OSBPL8: variants seen among roughly 807,000 people sequenced by gnomAD.
OSBPL8 encodes the protein oxysterol binding protein like 8, also known as oxysterol-binding protein-related protein 8.
In OSBPL8, 59 loss-of-function variants were observed where a neutral mutation model predicts 125.5. That is an observed-to-expected ratio of 0.47 (90% CI 0.38 to 0.58). The LOEUF is 0.58. Ranked by LOEUF, OSBPL8 falls within the 20% of genes least tolerant of loss-of-function variation. OSBPL8 has a pLI of 0.00. For synonymous variants in OSBPL8, 330 were observed against 338.9 expected, an observed-to-expected ratio of 0.97 and a Z score of 0.29; for missense variants, 758 against 1,047.8, an observed-to-expected ratio of 0.72 and a Z score of 3.82.
At chr12:76,449,401 C>A (rs368073721) in intron 4 of OSBPL8, among the ~76,000 whole-genome samples, 1 of 152,096 alleles carries the variant, frequency 6.6e-6, no homozygotes, top group African/African-American at 2.4e-5. Flanking sequence ...ACCCAAAGAC[C>A]CTTCTAGAGG....
At chr12:76,532,324 C>T (rs1950365088) in intron 1 of OSBPL8, among the ~76,000 whole-genome samples, 1 of 151,912 alleles carries the variant, frequency 6.6e-6, no homozygotes, top group South Asian at 2.1e-4. Flanking sequence ...CTATTTTAAG[C>T]AAAACTATTT....
chr12:76,527,735 C>A (rs978830348), intron 1 of OSBPL8, among the ~76,000 whole-genome samples: 2 of 152,100 alleles, frequency 1.3e-5, no homozygotes, highest in Non-Finnish European at 2.9e-5. Context: ...CATTGAGTTG[C>A]AATACAGAAG....
In OSBPL8 at chr12:76,506,339, T is replaced by C. The variant is rs149746388; in HGVS notation, c.-67-18721A>G. Among the ~76,000 whole-genome samples, 7 of 152,278 alleles carry C rather than the reference T, an allele frequency of 4.6e-5. No homozygotes were observed. The East Asian group carries it at 1.4e-3, about 29-fold the overall frequency. On this transcript the variant is annotated intron_variant, in intron 1 of 23. Coordinates refer to ENST00000261183, the MANE Select transcript of OSBPL8 (RefSeq NM_020841.5). ...TCAAGGAGGCAGCTGAACATGCAGA[T>C]GTGAGGCTGACGGGGAAGAGGTCAG...
chr12:76,516,144 C>T (rs1881510822), intron 1 of OSBPL8, among the ~76,000 whole-genome samples: 1 of 152,174 alleles, frequency 6.6e-6, no homozygotes, highest in Admixed American at 6.5e-5. Flanking sequence ...CCCCAAAATA[C>T]ACTGCTATGG....
chr12:76,380,528 C>CAAAAAAA (rs3038514), intron 15 of OSBPL8, among the ~76,000 whole-genome samples: 1 of 89,248 alleles, frequency 1.1e-5, no homozygotes, highest in East Asian at 4.2e-4. Context: ...GACACTGTCC[C>CAAAAAAA]AAAAAAAAAA....
chr12:76,447,065 T>A (rs1358774293), intron 4 of OSBPL8, among the ~76,000 whole-genome samples: 1 of 152,206 alleles, frequency 6.6e-6, no homozygotes, highest in Non-Finnish European at 1.5e-5. Flanking sequence ...TTAACACATA[T>A]AACAAGAATG....
At chr12:76,483,025 G>T (rs186514182) in intron 2 of OSBPL8, among the ~76,000 whole-genome samples, 12 of 152,280 alleles carry the variant, frequency 7.9e-5, no homozygotes, top group Non-Finnish European at 1.8e-4. Flanking sequence ...ACTTTAGGAG[G>T]CCGAGGCAGG....
intron 1 of OSBPL8, among the ~76,000 whole-genome samples, chr12:76,502,003 C>T (rs578186212): frequency 1.3e-5 from 2 of 152,358 alleles, no homozygotes; most frequent in Admixed American, 6.5e-5. Flanking sequence ...TGTAGTACAG[C>T]AATGAATCCA....
chr12:76,452,172 T>C (rs1400439485), intron 3 of OSBPL8, among the ~76,000 whole-genome samples: 1 of 152,158 alleles, frequency 6.6e-6, no homozygotes, highest in Non-Finnish European at 1.5e-5. Flanking sequence ...AATACAGACA[T>C]TCAGAATTTC....
At chr12:76,515,739 A>C (rs777186445) in intron 1 of OSBPL8, among the ~76,000 whole-genome samples, 46 of 151,710 alleles carry the variant, frequency 3.0e-4, no homozygotes, top group Non-Finnish European at 6.0e-4. Flanking sequence ...GTGGGCCTTC[A>C]TCCTGTCTTG....
chr12:76,373,587 G>T, intron 17 of OSBPL8, 154 bp from the exon 18 acceptor site: 4 of 473,672 alleles, frequency 8.4e-6, no homozygotes, highest in Non-Finnish European at 1.5e-5. Flanking sequence ...ATTTTAGTTA[G>T]AAATGTTTAA....
chr12:76,516,196 T>C (rs1392906894), intron 1 of OSBPL8, among the ~76,000 whole-genome samples: 1 of 152,206 alleles, frequency 6.6e-6, no homozygotes, highest in Admixed American at 6.5e-5. Context: ...GACCTTCCTT[T>C]TTCTTCCTGA....
chr12:76,500,414 C>T (rs1449290856), intron 1 of OSBPL8, among the ~76,000 whole-genome samples: 2 of 152,176 alleles, frequency 1.3e-5, no homozygotes, highest in South Asian at 2.1e-4. Flanking sequence ...ACCTTCTTCA[C>T]GAAGGCTTCC....
Position 76,481,950 on chromosome 12 carries a change from C to T in OSBPL8, c.42+5560G>A, listed in dbSNP as rs546675515. 4.6e-4 allele frequency among the ~76,000 whole-genome samples: 70 copies of T among 152,226 alleles called. No individual in the cohort carries two copies. The Middle Eastern group carries it at 0.014, about 30-fold the overall frequency. ...ACACAGCAATTTTACTTTATGATCA[C>T]CAAATCTAAATTATGAATAACTCAC... On this transcript the variant is annotated intron_variant, in intron 2 of 23. Coordinates refer to ENST00000261183, the MANE Select transcript of OSBPL8 (RefSeq NM_020841.5).
At chr12:76,549,005 C>T (rs7137317) in intron 1 of OSBPL8, among the ~76,000 whole-genome samples, 121,049 of 152,010 alleles carry the variant, frequency 0.8, 48,424 homozygotes, top group East Asian at 0.92. Flanking sequence ...AGACTCAAGA[C>T]GACAATACAA....
intron 1 of OSBPL8, among the ~76,000 whole-genome samples, chr12:76,527,254 G>A (rs1248860100): frequency 6.6e-6 from 1 of 151,798 alleles, no homozygotes. Flanking sequence ...CGGGGTGGGG[G>A]GGGATTGTGC....
rs536772057 is a variant in OSBPL8, at chr12:76,394,276, C to A, written c.757+369G>T. On this transcript the variant is annotated intron_variant, in intron 9 of 23. Transcript: ENST00000261183. ...CTCGAATCTCTTACATAAAAAAAAA[C>A]AAAACCAAAACAATGTATATGTCTC... is the stretch of plus-strand genomic sequence containing the variant. Among the ~76,000 whole-genome samples the A allele has an allele frequency of 6.6e-5, 10 of 151,114 alleles. No homozygotes were observed. In the South Asian group the frequency reaches 1.1e-3, roughly 16 times the overall value.
At chr12:76,474,352 G>T (rs551595055) in intron 2 of OSBPL8, among the ~76,000 whole-genome samples, 19 of 152,252 alleles carry the variant, frequency 1.2e-4, no homozygotes, top group African/African-American at 4.1e-4. Context: ...GTTTAATAGG[G>T]TGAAAACAGC....
At chr12:76,545,883 C>T (rs917789447) in intron 1 of OSBPL8, among the ~76,000 whole-genome samples, 13 of 152,070 alleles carry the variant, frequency 8.5e-5, no homozygotes, top group African/African-American at 2.9e-4. Context: ...CTCTGATCAA[C>T]GTGACAAGGA....
Sources: gnomAD v4.1 joint callset for allele counts (sites outside exome capture counted in the v4.1 genomes callset) on GRCh38, gnomAD v4.1.1 for gene constraint, MANE v1.5 for transcripts, NCBI Gene and HGNC (gene_info 2026-07-23, HGNC 2026-07-21) for gene names.